Variants in FDPS observed in about 807,000 individuals in gnomAD.
The protein encoded by FDPS is farnesyl pyrophosphate synthase.
A neutral mutation model predicts 49.5 loss-of-function variants in FDPS; 29 were observed. The observed-to-expected ratio is 0.59, with a 90% CI of 0.44 to 0.80. FDPS has a LOEUF of 0.80. FDPS is among the 30% of genes least tolerant of loss of function. The probability of loss-of-function intolerance (pLI) is 0.00; values close to 1 mark genes in which losing one functional copy is unlikely to be tolerated. For missense variants in FDPS, 414 were observed against 525.6 expected (o/e 0.79, Z 2.08); for synonymous variants, 172 against 206.4 (o/e 0.83, Z 1.43).
At chr1:155,319,386 C>G (rs1295620344) in intron 8 of FDPS, among the ~76,000 whole-genome samples, 1 of 152,190 alleles carries the variant, frequency 6.6e-6, no homozygotes, top group Admixed American at 6.5e-5. Context: ...CTGTGCACCT[C>G]TAGAATGGAT....
Position 155,313,494 on chromosome 1 carries a change from G to A in FDPS, c.480+1099G>A, listed in dbSNP as rs761864635. ...AGGAGCAGCTGGCTCAAGGGAAGAC[G>A]TGCTGAGCACAGTCAGCCCGGGTAC... On this transcript the variant is annotated intron_variant, in intron 4 of 10. Coordinates refer to ENST00000368356, the MANE Select transcript of FDPS (RefSeq NM_002004.4). 4.6e-5 allele frequency among the ~76,000 whole-genome samples: 7 copies of A among 152,302 alleles called. No individual in the cohort carries two copies. The East Asian group carries it at 5.8e-4, about 13-fold the overall frequency.
In FDPS at chr1:155,318,067, G is replaced by C; in HGVS notation, c.561+46G>C. 1 of 1,610,576 alleles carries C rather than the reference G, an allele frequency of 6.2e-7. No homozygotes were observed. The highest frequency in any genetic ancestry group is 8.5e-7 in the Non-Finnish European group (1 of 1,176,830). ...GCAGTGGGTATGGGGACAGGCCACAGGGAGGTGGTTATATATGGCCTGGTT... is the reference window on the plus strand; with the variant it reads ...GCAGTGGGTATGGGGACAGGCCACACGGAGGTGGTTATATATGGCCTGGTT... On this transcript the variant is annotated intron_variant, in intron 5 of 10. Coordinates refer to ENST00000368356, the MANE Select transcript of FDPS (RefSeq NM_002004.4). This position sits in a 1 kb window ranked among gnomAD's most constrained non-coding sequence, Gnocchi z 4.2.
intron 8 of FDPS, among the ~76,000 whole-genome samples, chr1:155,319,262 G>C (rs1649929862): frequency 6.6e-6 from 1 of 152,194 alleles, no homozygotes; most frequent in South Asian, 2.1e-4. Context: ...TGTCTACCCT[G>C]ACCTTGCTTC....
In FDPS at chr1:155,318,542, C is replaced by T. The variant is rs1156906272; in HGVS notation, c.685-123C>T. 1 of 874,096 alleles carries T rather than the reference C, an allele frequency of 1.1e-6. No homozygotes were observed. Among genetic ancestry groups the T allele is most frequent in the Non-Finnish European group, 1.9e-6 (1 of 537,132 alleles). The allele number at this position is 874,096 out of a possible 1,614,324, so 54.1% of individuals were successfully genotyped here. A position where few individuals can be genotyped will look rare whatever the true frequency, so the allele number is the denominator to read the frequency against. On this transcript the variant is annotated intron_variant, in intron 6 of 10. Transcript: ENST00000368356. The surrounding 1 kb of genome is among the most constrained non-coding windows in gnomAD (Gnocchi z 4.2). The stretch of plus-strand genomic sequence containing the variant: ...TGGGCCTTAAGTTTTGGGGCTTTCT[C>T]CCCTTCTGTTGCCTTTCTGATTCTG...
chr1:155,308,871 C>A lies in FDPS; in HGVS notation c.-96C>A. On this transcript the variant is annotated 5_prime_UTR_variant, in exon 1 of 11. Transcript: ENST00000368356. ...GCCCTTAGTGTGGGGAGAGCGGGAA[C>A]TACTCGACCCACAGAGCCGATCGCG... The A allele has an allele frequency of 3.1e-6, 1 of 324,638 alleles. No individual in the cohort carries two copies. The highest frequency in any genetic ancestry group is 1.6e-3 in the Middle Eastern group (1 of 624). The allele number at this position is 324,638 out of a possible 1,614,324, so 20.1% of individuals were successfully genotyped here. A position where few individuals can be genotyped will look rare whatever the true frequency, so the allele number is the denominator to read the frequency against.
In FDPS at chr1:155,318,571, AG is replaced by A; in HGVS notation, c.685-93del. On this transcript the variant is annotated intron_variant, in intron 6 of 10. Coordinates refer to ENST00000368356, the MANE Select transcript of FDPS (RefSeq NM_002004.4). This position sits in a 1 kb window ranked among gnomAD's most constrained non-coding sequence, Gnocchi z 4.2. ...TTCTGTTGCCTTTCTGATTCTGCCC[AG>A]TTGTCAGCTGGTATGGGATGTTGGG... The A allele has an allele frequency of 9.7e-7, 1 of 1,026,358 alleles. No homozygotes were observed. The highest frequency in any genetic ancestry group is 1.5e-6 in the Non-Finnish European group (1 of 658,320). 63.6% of individuals were successfully genotyped at this position (1,026,358 alleles called of 1,614,324 possible).
intron 3 of FDPS, among the ~76,000 whole-genome samples, 168 bp from the exon 4 acceptor site, chr1:155,312,087 T>C (rs1557974676): frequency 1.3e-5 from 2 of 152,006 alleles, no homozygotes; most frequent in East Asian, 3.9e-4. Context: ...CTCCAGAAAT[T>C]TGGGGAAGGA....
rs1649718188 is a variant in FDPS, at chr1:155,318,236, A to G, written c.629A>G (p.Lys210Arg). Residue 210 changes from lysine (K) to arginine (R), a missense_variant, in exon 6 of 11, where the codon AAG becomes AGG. Transcript: ENST00000368356. The surrounding 1 kb of genome is among the most constrained non-coding windows in gnomAD (Gnocchi z 4.2). ...GAAGCATGTATCTACCGCCTGCTGA[A>G]GCTCTATTGCCGGGAGCAGCCCTAT... ...LLEACIYRLL[K>R]LYCREQPYYL... is the part of the protein sequence containing the mutation. 6.2e-7 allele frequency: 1 copy of G among 1,613,984 alleles called. No individual in the cohort carries two copies. The highest frequency in any genetic ancestry group is 1.3e-5 in the African/African-American group (1 of 75,040).
chr1:155,310,423 G>C lies in FDPS; in HGVS notation c.339+218G>C, dbSNP rs571770858. The C allele has an allele frequency of 1.7e-5, 9 of 540,386 alleles. No individual in the cohort carries two copies. In the South Asian group the frequency reaches 2.1e-4, roughly 13 times the overall value. The allele number at this position is 540,386 out of a possible 1,614,324, so 33.5% of individuals were successfully genotyped here. On this transcript the variant is annotated intron_variant, in intron 3 of 10. Coordinates refer to ENST00000368356, the MANE Select transcript of FDPS (RefSeq NM_002004.4). ...CCTCCTGGGTTCAAGTGATTCTCCT[G>C]CCTCAGCCTTCTGAGTAGCTGGGAT...
intron 4 of FDPS, among the ~76,000 whole-genome samples, chr1:155,315,446 G>A (rs1057267512): frequency 2.6e-5 from 4 of 152,200 alleles, no homozygotes; most frequent in Non-Finnish European, 5.9e-5. Flanking sequence ...TTGGGAGGCT[G>A]AGGCGGGCGG....
rs763187314 is a variant in FDPS, at chr1:155,308,866, G to C, written c.-101G>C. The C allele has an allele frequency of 1.4e-5, 5 of 364,280 alleles. No homozygotes were observed. Among genetic ancestry groups the C allele is most frequent in the African/African-American group, 2.2e-5 (1 of 45,416 alleles). The allele number at this position is 364,280 out of a possible 1,614,324, so 22.6% of individuals were successfully genotyped here. On this transcript the variant is annotated 5_prime_UTR_variant, in exon 1 of 11. Coordinates refer to ENST00000368356, the MANE Select transcript of FDPS (RefSeq NM_002004.4). Reference sequence around the variant, plus strand: ...TTTCCGCCCTTAGTGTGGGGAGAGCGGGAACTACTCGACCCACAGAGCCGA... The same window carrying C: ...TTTCCGCCCTTAGTGTGGGGAGAGCCGGAACTACTCGACCCACAGAGCCGA...
At chr1:155,316,981 TTCCAAGGAGA>T (rs996894502) in intron 4 of FDPS, 3 of 152,182 alleles carry the variant, frequency 2.0e-5, no homozygotes, top group African/African-American at 7.2e-5. Flanking sequence ...CTGTCCCTGC[TTCCAAGGAGA>T]TCATGGTCTA....
intron 3 of FDPS, among the ~76,000 whole-genome samples, chr1:155,310,773 G>C (rs1370447183): frequency 1.3e-5 from 2 of 152,154 alleles, no homozygotes; most frequent in African/African-American, 4.8e-5. Flanking sequence ...GCAAGTCTTA[G>C]ATTTTGTGTC....
intron 10 of FDPS, 169 bp from the exon 11 acceptor site, chr1:155,320,240 G>T: frequency 1.5e-6 from 1 of 675,260 alleles, no homozygotes. Context: ...TTTGGGATAG[G>T]GAAGGGAAGC....
chr1:155,309,675 C>A (rs944716958), intron 1 of FDPS, 114 bp from the exon 2 acceptor site: 15 of 906,978 alleles, frequency 1.7e-5, no homozygotes, highest in Non-Finnish European at 2.2e-5. Flanking sequence ...GAGGGAGGGG[C>A]ACTCTGGGCT....
At chr1:155,317,865 T>C (rs1306464523) in intron 4 of FDPS, 76 bp from the exon 5 acceptor site, 7 of 1,331,930 alleles carry the variant, frequency 5.3e-6, no homozygotes, top group Non-Finnish European at 7.5e-6. Context: ...TATATACAGA[T>C]ATAAAGTAGC....
chr1:155,309,763 G>C, intron 1 of FDPS, 26 bp from the exon 2 acceptor site: 1 of 1,507,476 alleles, frequency 6.6e-7, no homozygotes. Context: ...GGAGTGCTTA[G>C]TGCCCCCTCC....
chr1:155,318,908 A>G lies in FDPS; in HGVS notation c.826A>G (p.Ile276Val), dbSNP rs771013740. The change falls in exon 8 of 11, where the codon ATA (isoleucine) becomes GTA (valine). Residue 276 changes from isoleucine (I) to valine (V), a missense_variant. Coordinates refer to ENST00000368356, the MANE Select transcript of FDPS (RefSeq NM_002004.4). The surrounding 1 kb of genome is among the most constrained non-coding windows in gnomAD (Gnocchi z 4.2). ...AGCTTTCTACTCCTTCTACCTTCCT[A>G]TAGCTGCAGCCATGTACATGGTGAG... is the stretch of plus-strand genomic sequence containing the variant. Reference protein sequence around the residue: ...KTAFYSFYLPIAAAMYMAGID... With the variant: ...KTAFYSFYLPVAAAMYMAGID... The G allele has an allele frequency of 6.2e-6, 10 of 1,613,254 alleles. No homozygotes were observed. In the South Asian group the frequency reaches 9.9e-5, roughly 16 times the overall value.
intron 4 of FDPS, chr1:155,316,888 C>A (rs1195845300): frequency 6.6e-6 from 1 of 151,992 alleles, no homozygotes; most frequent in Non-Finnish European, 1.5e-5. Flanking sequence ...TTATTAATTT[C>A]TTTGTCAGAC....
Sources: allele counts gnomAD v4.1 joint callset (sites outside exome capture counted in the v4.1 genomes callset), GRCh38; gene constraint gnomAD v4.1.1; non-coding constraint Gnocchi (gnomAD v3.1); transcripts MANE v1.5; gene names NCBI Gene and HGNC (gene_info 2026-07-23, HGNC 2026-07-21).